BRAF: variants seen among roughly 807,000 people sequenced by gnomAD.
The protein encoded by BRAF is serine/threonine-protein kinase B-raf.
A neutral mutation model predicts 104.6 loss-of-function variants in BRAF; 16 were observed. The ratio of observed to expected loss-of-function variants is 0.15; its 90% confidence interval spans 0.10 to 0.23. BRAF has a LOEUF of 0.23. Ranked by LOEUF, BRAF falls within the 10% of genes least tolerant of loss-of-function variation. The probability of loss-of-function intolerance (pLI) is 1.00; values close to 1 mark genes in which losing one functional copy is unlikely to be tolerated. For missense variants in BRAF, 541 were observed against 937.3 expected (o/e 0.58, Z 5.52); for synonymous variants, 310 against 341.6 (o/e 0.91, Z 1.02).
At chr7:140,823,090 C>G (rs1805654511) in intron 3 of BRAF, among the ~76,000 whole-genome samples, 1 of 152,158 alleles carries the variant, frequency 6.6e-6, no homozygotes, top group African/African-American at 2.4e-5. Context: ...TCCCAAAGCA[C>G]TGAGATTACA....
chr7:140,841,657 T>G (rs1160011481), intron 2 of BRAF, among the ~76,000 whole-genome samples: 1 of 152,172 alleles, frequency 6.6e-6, no homozygotes, highest in African/African-American at 2.4e-5. Context: ...ATAATATAAT[T>G]CTATTTATAT....
chr7:140,836,667 C>T (rs1807374982), intron 2 of BRAF, among the ~76,000 whole-genome samples: 1 of 152,044 alleles, frequency 6.6e-6, no homozygotes, highest in Non-Finnish European at 1.5e-5. Flanking sequence ...CTTTCAGTAC[C>T]AAGGCCTAAT....
At chr7:140,867,688 A>C (rs1811126543) in intron 1 of BRAF, among the ~76,000 whole-genome samples, 1 of 152,196 alleles carries the variant, frequency 6.6e-6, no homozygotes, top group South Asian at 2.1e-4. Flanking sequence ...GAAGGAAGTG[A>C]AACAAGTTCA....
chr7:140,883,011 AAAGT>A (rs1813119895), intron 1 of BRAF, among the ~76,000 whole-genome samples: 1 of 145,952 alleles, frequency 6.9e-6, no homozygotes, highest in South Asian at 2.1e-4. Context: ...AAAATAAAAT[AAAGT>A]AAATAAATAA....
intron 16 of BRAF, among the ~76,000 whole-genome samples, chr7:140,750,281 ACT>A (rs1366323340): frequency 2.0e-5 from 3 of 152,272 alleles, no homozygotes; most frequent in Admixed American, 1.3e-4. Flanking sequence ...AGTGGTACTA[ACT>A]CTGCAAAAAT....
downstream of BRAF, among the ~76,000 whole-genome samples, chr7:140,716,484 A>C (rs1795132562): frequency 6.6e-6 from 1 of 152,198 alleles, no homozygotes; most frequent in Non-Finnish European, 1.5e-5. Flanking sequence ...CTGGGATCCC[A>C]GTTTGATTTT....
At chr7:140,833,379 A>G (rs1165033263) in intron 3 of BRAF, among the ~76,000 whole-genome samples, 1 of 152,184 alleles carries the variant, frequency 6.6e-6, no homozygotes, top group Non-Finnish European at 1.5e-5. Context: ...AATACAGACA[A>G]TAAAGAATTA....
chr7:140,782,774 C>T (rs1205431828), intron 11 of BRAF, among the ~76,000 whole-genome samples: 1 of 152,004 alleles, frequency 6.6e-6, no homozygotes, highest in Admixed American at 6.6e-5. Flanking sequence ...TCTCTTTTTC[C>T]TTACTTTAGA....
At chr7:140,906,190 C>A (rs549888020) in intron 1 of BRAF, among the ~76,000 whole-genome samples, 8 of 151,452 alleles carry the variant, frequency 5.3e-5, no homozygotes, top group African/African-American at 1.9e-4. Context: ...GGTCTTAGAA[C>A]CCGGCCTTCG....
intron 1 of BRAF, among the ~76,000 whole-genome samples, chr7:140,868,956 T>C (rs924223211): frequency 6.6e-6 from 1 of 152,040 alleles, no homozygotes; most frequent in Non-Finnish European, 1.5e-5. Context: ...GTCAATAGGA[T>C]TTGCTGGTAA....
At chr7:140,795,103 G>A (rs1802373474) in intron 7 of BRAF, among the ~76,000 whole-genome samples, 1 of 152,072 alleles carries the variant, frequency 6.6e-6, no homozygotes, top group African/African-American at 2.4e-5. Flanking sequence ...AACCACTAAA[G>A]CAAATATTTT....
intron 19 of BRAF, among the ~76,000 whole-genome samples, chr7:140,729,183 C>A (rs1334838007): frequency 6.6e-6 from 1 of 151,862 alleles, no homozygotes; most frequent in African/African-American, 2.4e-5. Flanking sequence ...TGCAGTGAGC[C>A]AGGATTGTAC....
intron 1 of BRAF, among the ~76,000 whole-genome samples, chr7:140,884,429 A>ATGTGTGTGTG (rs71170770): frequency 0.016 from 1,996 of 127,444 alleles, 24 homozygotes; most frequent in South Asian, 0.018. Context: ...TATATAAGAT[A>ATGTGTGTGTG]TGTGTGTGTG....
rs1312636909 is a variant in BRAF, at chr7:140,889,272, C to T, written c.138+35294G>A. On this transcript the variant is annotated intron_variant, in intron 1 of 19. Transcript: ENST00000644969. ...AGGCTACTTAAAATATGAATTTGTA[C>T]ACACTATTATAATAACGAACCTTGG... Among the ~76,000 whole-genome samples the T allele has an allele frequency of 6.6e-5, 10 of 152,266 alleles. No homozygotes were observed. In the East Asian group the frequency reaches 1.9e-3, roughly 29 times the overall value.
chr7:140,862,127 A>G (rs1367185046), intron 1 of BRAF, among the ~76,000 whole-genome samples: 1 of 152,240 alleles, frequency 6.6e-6, no homozygotes, highest in Non-Finnish European at 1.5e-5. Context: ...ATAAACAAGA[A>G]TCACAAGACA....
At chr7:140,856,713 T>C (rs1391547464) in intron 1 of BRAF, among the ~76,000 whole-genome samples, 2 of 151,992 alleles carry the variant, frequency 1.3e-5, no homozygotes, top group African/African-American at 4.8e-5. Context: ...AAGCACAAAA[T>C]GAGTTAATCT....
chr7:140,724,042 T>C lies in BRAF; in HGVS notation c.*2452A>G. Reference sequence around the variant, plus strand: ...GGTATCTATAAAAATCTCAATATGCTAAGCCTGGCTCCTGGGCACAGCTTC... The same window carrying C: ...GGTATCTATAAAAATCTCAATATGCCAAGCCTGGCTCCTGGGCACAGCTTC... On this transcript the variant is annotated 3_prime_UTR_variant, in exon 20 of 20. Transcript: ENST00000644969. 9.5e-7 allele frequency: 1 copy of C among 1,047,486 alleles called. No individual in the cohort carries two copies. The highest frequency in any genetic ancestry group is 1.2e-6 in the Non-Finnish European group (1 of 868,074). 64.9% of individuals were successfully genotyped at this position (1,047,486 alleles called of 1,614,324 possible).
chr7:140,834,099 A>G (rs1807073229), intron 3 of BRAF: 1 of 170,072 alleles, frequency 5.9e-6, no homozygotes, highest in East Asian at 1.5e-4. Context: ...ACCACCCACA[A>G]TAATTCCACA....
rs1003288387 is a variant in BRAF, at chr7:140,723,893, G to A, written c.*2601C>T. On this transcript the variant is annotated 3_prime_UTR_variant, in exon 20 of 20. Coordinates refer to ENST00000644969, the MANE Select transcript of BRAF (RefSeq NM_001374258.1). ...CTCAGTAAGTCTAACTGTTGTCTAA[G>A]CATCAAAAAATAAAGCAGATAAAAC... 1.4e-5 allele frequency: 15 copies of A among 1,045,292 alleles called. No homozygotes were observed. Among genetic ancestry groups the A allele is most frequent in the Non-Finnish European group, 1.7e-5 (15 of 866,794 alleles). The allele number at this position is 1,045,292 out of a possible 1,614,324, so 64.8% of individuals were successfully genotyped here.
Sources: allele counts gnomAD v4.1 joint callset (sites outside exome capture counted in the v4.1 genomes callset), GRCh38; gene constraint gnomAD v4.1.1; transcripts MANE v1.5; gene names NCBI Gene and HGNC (gene_info 2026-07-23, HGNC 2026-07-21).